Variants in CPNE8 observed in about 807,000 individuals in gnomAD.
The protein encoded by CPNE8 is copine 8, also known as copine-8.
Under a neutral mutation model 81.5 loss-of-function variants are expected in CPNE8, and 45 were observed. The observed-to-expected ratio is 0.55, with a 90% CI of 0.44 to 0.71. The LOEUF is 0.71. Ranked by LOEUF, CPNE8 falls within the 30% of genes least tolerant of loss-of-function variation. CPNE8 has a pLI of 0.00. For synonymous variants in CPNE8, 252 were observed against 226.3 expected (o/e 1.11, Z -1.02); for missense variants, 594 against 672.1 (o/e 0.88, Z 1.28).
intron 10 of CPNE8, among the ~76,000 whole-genome samples, chr12:38,754,116 C>T (rs1459813792): frequency 1.3e-5 from 2 of 152,120 alleles, no homozygotes; most frequent in South Asian, 2.1e-4. Context: ...AACCTTCATA[C>T]AAATGACAGC....
chr12:38,663,881 A>G (rs1939009843), intron 19 of CPNE8, among the ~76,000 whole-genome samples: 1 of 152,150 alleles, frequency 6.6e-6, no homozygotes, highest in Non-Finnish European at 1.5e-5. Context: ...ACAGAAAAAT[A>G]AATACCACAT....
At chr12:38,806,370 C>G (rs1360828910) in intron 6 of CPNE8, among the ~76,000 whole-genome samples, 1 of 148,788 alleles carries the variant, frequency 6.7e-6, no homozygotes, top group Non-Finnish European at 1.5e-5. Context: ...ACTGGCAAAC[C>G]GAATCCAGCA....
intron 6 of CPNE8, among the ~76,000 whole-genome samples, chr12:38,798,307 G>A (rs1435777378): frequency 4.6e-5 from 7 of 152,034 alleles, no homozygotes; most frequent in South Asian, 4.2e-4. Flanking sequence ...GAGAAAGGTC[G>A]GGTTACCCAC....
intron 14 of CPNE8, among the ~76,000 whole-genome samples, chr12:38,702,380 T>C (rs1174828498): frequency 6.6e-6 from 1 of 152,124 alleles, no homozygotes; most frequent in Non-Finnish European, 1.5e-5. Context: ...TATTAATGTG[T>C]TAACATAAGT....
At chr12:38,798,801 C>A (rs1942574392) in intron 6 of CPNE8, among the ~76,000 whole-genome samples, 1 of 152,074 alleles carries the variant, frequency 6.6e-6, no homozygotes, top group African/African-American at 2.4e-5. Context: ...ATTCAGGAAA[C>A]CTATCTCACA....
intron 14 of CPNE8, among the ~76,000 whole-genome samples, chr12:38,700,286 T>G (rs1205247827): frequency 6.8e-6 from 1 of 147,312 alleles, no homozygotes; most frequent in African/African-American, 2.5e-5. Context: ...TCACCCAAGC[T>G]GGAGTGCAAC....
chr12:38,721,149 C>G (rs1366948970), intron 13 of CPNE8: 1 of 153,272 alleles, frequency 6.5e-6, no homozygotes, highest in Admixed American at 6.5e-5. Context: ...GGGATGGATG[C>G]CTGGTAAGGA....
intron 6 of CPNE8, among the ~76,000 whole-genome samples, chr12:38,806,086 G>A (rs1182223999): frequency 1.3e-5 from 2 of 150,236 alleles, no homozygotes; most frequent in African/African-American, 4.8e-5. Flanking sequence ...ACCAATAACA[G>A]GCTCTGAAAT....
At chr12:38,872,826 G>A (rs1163559881) in intron 3 of CPNE8, among the ~76,000 whole-genome samples, 178 bp downstream of exon 3, 2 of 152,108 alleles carry the variant, frequency 1.3e-5, no homozygotes, top group South Asian at 2.1e-4. Context: ...TCATAAATCA[G>A]CTAAACATTC....
chr12:38,731,472 A>C (rs1940829643), intron 10 of CPNE8, among the ~76,000 whole-genome samples: 1 of 151,910 alleles, frequency 6.6e-6, no homozygotes, highest in African/African-American at 2.4e-5. Context: ...ATTTTAGTAG[A>C]GTTTTTGCAA....
chr12:38,702,964 T>C, intron 13 of CPNE8, 43 bp from the exon 14 acceptor site: 1 of 1,294,930 alleles, frequency 7.7e-7, no homozygotes, highest in East Asian at 2.5e-5. Flanking sequence ...TGAAATAACC[T>C]GATAAAAGGA....
chr12:38,672,303 A>T (rs1427035451), intron 18 of CPNE8, among the ~76,000 whole-genome samples: 1 of 152,194 alleles, frequency 6.6e-6, no homozygotes, highest in Non-Finnish European at 1.5e-5. Context: ...TTTAGGCAAT[A>T]CTGTATTAGC....
chr12:38,710,292 A>G (rs927752093), intron 13 of CPNE8, among the ~76,000 whole-genome samples: 5 of 147,626 alleles, frequency 3.4e-5, no homozygotes, highest in African/African-American at 1.3e-4. Context: ...AAAAAAACCA[A>G]CCCCAAACCG....
chr12:38,719,465 T>G (rs548275469), intron 13 of CPNE8, among the ~76,000 whole-genome samples: 28 of 150,358 alleles, frequency 1.9e-4, no homozygotes, highest in Admixed American at 8.0e-4. Flanking sequence ...TAGCTGGGCG[T>G]GGTGGCACAT....
intron 1 of CPNE8, among the ~76,000 whole-genome samples, chr12:38,875,647 T>A (rs763297401): frequency 1.3e-5 from 2 of 152,184 alleles, no homozygotes; most frequent in Non-Finnish European, 2.9e-5. Context: ...ATTGCCGCCA[T>A]TGAATCACTA....
chr12:38,763,559 G>C (rs1941615938), intron 8 of CPNE8, among the ~76,000 whole-genome samples: 1 of 152,134 alleles, frequency 6.6e-6, no homozygotes, highest in Non-Finnish European at 1.5e-5. Context: ...ATTCCTAAGG[G>C]AAGAAAGACA....
intron 6 of CPNE8, among the ~76,000 whole-genome samples, chr12:38,797,514 AAC>A (rs1428498403): frequency 2.0e-5 from 3 of 150,226 alleles, no homozygotes; most frequent in Admixed American, 1.3e-4. Context: ...AAAACTAACA[AAC>A]AGAGAGGACA....
chr12:38,806,500 A>G (rs2136974039), intron 6 of CPNE8, among the ~76,000 whole-genome samples: 1 of 150,332 alleles, frequency 6.7e-6, no homozygotes, highest in Non-Finnish European at 1.5e-5. Flanking sequence ...AAAGACAAAA[A>G]CCACATGATT....
At chr12:38,887,423 C>A (rs762150862) in intron 1 of CPNE8, among the ~76,000 whole-genome samples, 4 of 152,100 alleles carry the variant, frequency 2.6e-5, no homozygotes, top group Non-Finnish European at 2.9e-5. Flanking sequence ...GCCTTATATG[C>A]CTCTAAATAA....
Sources: gnomAD v4.1 joint callset for allele counts (sites outside exome capture counted in the v4.1 genomes callset) on GRCh38, gnomAD v4.1.1 for gene constraint, MANE v1.5 for transcripts, NCBI Gene and HGNC (gene_info 2026-07-23, HGNC 2026-07-21) for gene names.